PCDH7: variants seen among roughly 807,000 people sequenced by gnomAD.
PCDH7 encodes the protein protocadherin 7.
A neutral mutation model predicts 58.9 loss-of-function variants in PCDH7; 17 were observed. The ratio of observed to expected loss-of-function variants is 0.29; its 90% CI spans 0.20 to 0.43. The LOEUF (loss-of-function observed/expected upper bound fraction) is 0.43. Among genes scored for constraint, PCDH7 ranks in the 20% least tolerant of loss-of-function variants. The pLI, the probability that PCDH7 is intolerant of heterozygous loss-of-function variation, is 1.00. For synonymous variants in PCDH7, 664 were observed against 616.4 expected (o/e 1.08, Z -1.14); for missense variants, 1,274 against 1,441.0 (o/e 0.88, Z 1.88).
intron 2 of PCDH7, among the ~76,000 whole-genome samples, chr4:30,948,165 T>C (rs890991413): frequency 2.0e-5 from 3 of 152,060 alleles, no homozygotes; most frequent in Non-Finnish European, 4.4e-5. Context: ...TAAGTATACT[T>C]TTCATTACTT....
chr4:31,019,674 C>G (rs974849427), intron 3 of PCDH7, among the ~76,000 whole-genome samples: 1 of 149,098 alleles, frequency 6.7e-6, no homozygotes, highest in Non-Finnish European at 1.5e-5. Context: ...GGGGACAGAG[C>G]GAGACTCTGT....
intron 1 of PCDH7, among the ~76,000 whole-genome samples, chr4:30,832,409 C>T (rs954690146): frequency 2.6e-5 from 4 of 152,076 alleles, no homozygotes; most frequent in Non-Finnish European, 5.9e-5. Context: ...TTGTAAGCAT[C>T]GACAGATTTT....
chr4:30,793,162 G>T (rs1030283575), intron 1 of PCDH7, among the ~76,000 whole-genome samples: 5 of 152,032 alleles, frequency 3.3e-5, no homozygotes, highest in Admixed American at 2.6e-4. Flanking sequence ...TGTTTATGAG[G>T]CTTACTTCCA....
At chr4:31,088,024 G>T (rs1403121749) in intron 3 of PCDH7, among the ~76,000 whole-genome samples, 1 of 151,942 alleles carries the variant, frequency 6.6e-6, no homozygotes, top group Non-Finnish European at 1.5e-5. Flanking sequence ...ACTAAGGCAG[G>T]TATTTTAGGT....
chr4:31,029,669 AC>A lies in PCDH7; in HGVS notation c.*7+79457del, dbSNP rs533310057. ...ATCTGCCACACTCCATTCATATTAT[AC>A]CCTAGATGGAGTGGTCCAGAATTCT... is the stretch of plus-strand genomic sequence containing the variant. On this transcript the variant is annotated intron_variant, in intron 3 of 3. Coordinates refer to the PCDH7 transcript ENST00000509759. Among the ~76,000 whole-genome samples, 102 of 152,248 alleles carry A rather than the reference AC, an allele frequency of 6.7e-4. 1 individual carries two copies. The East Asian group carries it at 0.02, about 29-fold the overall frequency.
At chr4:31,128,067 ATGTG>A (rs562597253) in intron 3 of PCDH7, among the ~76,000 whole-genome samples, 62 of 150,780 alleles carry the variant, frequency 4.1e-4, no homozygotes, top group African/African-American at 1.5e-3. Context: ...ATATGTATAT[ATGTG>A]TGTGTATATA....
intron 3 of PCDH7, among the ~76,000 whole-genome samples, chr4:31,033,259 C>T (rs1172247560): frequency 1.3e-5 from 2 of 152,108 alleles, no homozygotes; most frequent in African/African-American, 4.8e-5. Flanking sequence ...ACAGCATGCT[C>T]CATCAATAGG....
intron 3 of PCDH7, among the ~76,000 whole-genome samples, chr4:31,086,520 T>C (rs1464132956): frequency 6.6e-6 from 1 of 152,170 alleles, no homozygotes; most frequent in East Asian, 1.9e-4. Context: ...TTAATAAGTA[T>C]TTTGTTTTGC....
At chr4:31,141,390 T>C (rs766102054) in intron 3 of PCDH7, among the ~76,000 whole-genome samples, 3 of 152,164 alleles carry the variant, frequency 2.0e-5, no homozygotes, top group Non-Finnish European at 4.4e-5. Context: ...TGTTTGGCAA[T>C]AAAAAACAAT....
intron 3 of PCDH7, among the ~76,000 whole-genome samples, chr4:31,023,054 C>T (rs958826270): frequency 2.0e-5 from 3 of 152,058 alleles, no homozygotes; most frequent in East Asian, 1.9e-4. Flanking sequence ...AGAGCGAAAC[C>T]GGCAAATGTT....
At chr4:31,128,053 A>G (rs1317761546) in intron 3 of PCDH7, among the ~76,000 whole-genome samples, 1 of 151,260 alleles carries the variant, frequency 6.6e-6, no homozygotes, top group African/African-American at 2.4e-5. Flanking sequence ...GCACATATGC[A>G]TACATATGTA....
chr4:31,066,093 C>T (rs922831489), intron 3 of PCDH7, among the ~76,000 whole-genome samples: 2 of 151,868 alleles, frequency 1.3e-5, no homozygotes, highest in African/African-American at 4.8e-5. Context: ...TATCAGCCTC[C>T]TCATTTACTT....
At chr4:31,131,199 C>G (rs1399297106) in intron 3 of PCDH7, among the ~76,000 whole-genome samples, 1 of 152,042 alleles carries the variant, frequency 6.6e-6, no homozygotes, top group African/African-American at 2.4e-5. Flanking sequence ...TCACAGGCTC[C>G]CCGGGAGGTT....
intron 1 of PCDH7, among the ~76,000 whole-genome samples, chr4:30,793,494 A>G (rs1321248373): frequency 6.6e-6 from 1 of 152,122 alleles, no homozygotes; most frequent in Non-Finnish European, 1.5e-5. Flanking sequence ...TCATGTTGTG[A>G]CCTAAGCCAT....
intron 3 of PCDH7, among the ~76,000 whole-genome samples, chr4:31,113,742 C>G (rs1305849506): frequency 6.6e-6 from 1 of 151,488 alleles, no homozygotes; most frequent in Non-Finnish European, 1.5e-5. Flanking sequence ...TTTGCAGTAA[C>G]ACAAAATAAC....
chr4:30,910,892 A>G (rs1407092535), intron 1 of PCDH7, among the ~76,000 whole-genome samples: 1 of 152,192 alleles, frequency 6.6e-6, no homozygotes, highest in African/African-American at 2.4e-5. Context: ...ACAAGAGTGA[A>G]GACTTGGAAC....
At chr4:30,789,141 C>G (rs142205161) in intron 1 of PCDH7, among the ~76,000 whole-genome samples, 119 of 152,184 alleles carry the variant, frequency 7.8e-4, no homozygotes, top group African/African-American at 2.4e-3. Flanking sequence ...TAGGTCCCCC[C>G]CTAAGTTAAT....
At chr4:31,132,999 A>G (rs1020553935) in intron 3 of PCDH7, among the ~76,000 whole-genome samples, 5 of 152,244 alleles carry the variant, frequency 3.3e-5, no homozygotes, top group African/African-American at 1.2e-4. Flanking sequence ...AAATATTGAC[A>G]TAATCATACC....
intron 2 of PCDH7, among the ~76,000 whole-genome samples, chr4:30,945,330 A>G (rs575399987): frequency 1.1e-4 from 17 of 152,156 alleles, no homozygotes; most frequent in Admixed American, 3.3e-4. Context: ...ATTTTTAAAT[A>G]TTACTCACAA....
Sources: gnomAD v4.1 joint callset for allele counts (sites outside exome capture counted in the v4.1 genomes callset) on GRCh38, gnomAD v4.1.1 for gene constraint, MANE v1.5 for transcripts, NCBI Gene and HGNC (gene_info 2026-07-23, HGNC 2026-07-21) for gene names.